The following FAM168B variants were observed in gnomAD, a reference collection of about 807,000 sequenced individuals.
FAM168B encodes the protein family with sequence similarity 168 member B, also known as myelin-associated neurite-outgrowth inhibitor.
In FAM168B, 19 loss-of-function variants were observed where a neutral mutation model predicts 21.8. That is an observed-to-expected ratio of 0.87 (90% CI 0.61 to 1.28). The LOEUF (loss-of-function observed/expected upper bound fraction) is 1.28, where lower values mean the gene tolerates loss of function less well. FAM168B is among the 50% of genes most tolerant of loss of function. The pLI is 0.00. For synonymous variants in FAM168B, 126 were observed against 104.8 expected (o/e 1.20, Z -1.24); for missense variants, 233 against 263.1 (o/e 0.89, Z 0.79).
At chr2:131,076,620 T>C (rs1417887290) in intron 2 of FAM168B, among the ~76,000 whole-genome samples, 3 of 140,200 alleles carry the variant, frequency 2.1e-5, no homozygotes, top group Non-Finnish European at 3.0e-5. Flanking sequence ...GCCACTGCAC[T>C]CCAGCCTGGG....
In FAM168B at chr2:131,051,696, C is replaced by A; in HGVS notation, c.*769G>T. The A allele has an allele frequency of 3.0e-6, 3 of 985,244 alleles. No individual in the cohort carries two copies. The highest frequency in any genetic ancestry group is 3.6e-6 in the Non-Finnish European group (3 of 829,912). The allele number at this position is 985,244 out of a possible 1,614,324, so 61.0% of individuals were successfully genotyped here. On this transcript the variant is annotated 3_prime_UTR_variant, in exon 7 of 7. Transcript: ENST00000389915. Reference sequence around the variant, plus strand: ...TAGCAGAGAAACTGCTTTGCTGACACATAAACCACCCCCCTCGCCCCAAAT... The same window carrying A: ...TAGCAGAGAAACTGCTTTGCTGACAAATAAACCACCCCCCTCGCCCCAAAT...
At chr2:131,073,156 G>C (rs1692958834) in intron 2 of FAM168B, among the ~76,000 whole-genome samples, 1 of 150,204 alleles carries the variant, frequency 6.7e-6, no homozygotes, top group Non-Finnish European at 1.5e-5. Context: ...GCAGTGGTGA[G>C]ATCTCGGCTC....
At position 131,073,098 on chromosome 2, in the gene FAM168B, CT is replaced by C. The variant is rs941301377; in HGVS notation, c.71-1161del. ...TCAGGTTTTTTCACATTCTGATGTT[CT>C]TTTTTTTTTCTAAGACAGAGTCTTG... On this transcript the variant is annotated intron_variant, in intron 2 of 6. Transcript: ENST00000389915. Among the ~76,000 whole-genome samples the C allele has an allele frequency of 5.9e-3, 891 of 149,954 alleles. 7 individuals are homozygous for C. The highest frequency in any genetic ancestry group is 0.02 in the African/African-American group (811 of 41,012).
Position 131,050,660 on chromosome 2 carries a change from A to C in FAM168B, c.*1805T>G, listed in dbSNP as rs1691607979. The C allele has an allele frequency of 1.0e-6, 1 of 984,970 alleles. No homozygotes were observed. The highest frequency in any genetic ancestry group is 6.1e-5 in the Admixed American group (1 of 16,270). The allele number at this position is 984,970 out of a possible 1,614,324, so 61.0% of individuals were successfully genotyped here. Reference sequence around the variant, plus strand: ...TCTTATAAAATAAGATGTGAAAAAGAAAATTATAAGAAGTACTTACTATAA... The same window carrying C: ...TCTTATAAAATAAGATGTGAAAAAGCAAATTATAAGAAGTACTTACTATAA... On this transcript the variant is annotated 3_prime_UTR_variant, in exon 7 of 7. Coordinates refer to ENST00000389915, the MANE Select transcript of FAM168B (RefSeq NM_001009993.4).
Position 131,048,804 on chromosome 2 carries a change from G to C in FAM168B, c.*3661C>G, listed in dbSNP as rs1446315854. 1 of 986,156 alleles carries C rather than the reference G, an allele frequency of 1.0e-6. No individual in the cohort carries two copies. Among genetic ancestry groups the C allele is most frequent in the Non-Finnish European group, 1.2e-6 (1 of 830,284 alleles). The allele number at this position is 986,156 out of a possible 1,614,324, so 61.1% of individuals were successfully genotyped here. A position where few individuals can be genotyped will look rare whatever the true frequency, so the allele number is the denominator to read the frequency against. On this transcript the variant is annotated 3_prime_UTR_variant, in exon 7 of 7. Coordinates refer to ENST00000389915, the MANE Select transcript of FAM168B (RefSeq NM_001009993.4). ...AGAGACCCTCTCAGAAAGCACCAGA[G>C]AGGAGGACCAGACGCTGCCACCCAC... is the stretch of plus-strand genomic sequence containing the variant.
chr2:131,088,915 T>G (rs899131004), intron 1 of FAM168B, among the ~76,000 whole-genome samples: 1 of 151,844 alleles, frequency 6.6e-6, no homozygotes, highest in Admixed American at 6.6e-5. Context: ...CCAGTCTAAT[T>G]TGCTGTGGAC....
At position 131,050,357 on chromosome 2, in the gene FAM168B, C is replaced by G; in HGVS notation, c.*2108G>C. ...ATTAGCACTCAATTGGGAAAAAAGA[C>G]TTCTCTGCTACTTGGTCAGCTGAAC... On this transcript the variant is annotated 3_prime_UTR_variant, in exon 7 of 7. Transcript: ENST00000389915. The G allele has an allele frequency of 1.0e-6, 1 of 985,672 alleles. No homozygotes were observed. Among genetic ancestry groups the G allele is most frequent in the Non-Finnish European group, 1.2e-6 (1 of 829,946 alleles). The allele number at this position is 985,672 out of a possible 1,614,324, so 61.1% of individuals were successfully genotyped here.
intron 1 of FAM168B, among the ~76,000 whole-genome samples, chr2:131,085,884 C>T (rs372544998): frequency 4.6e-5 from 7 of 152,314 alleles, no homozygotes; most frequent in African/African-American, 1.7e-4. Flanking sequence ...GAGTGCTGAG[C>T]ATCTGAAAAG....
intron 5 of FAM168B, among the ~76,000 whole-genome samples, chr2:131,054,315 C>T (rs1025683752): frequency 6.6e-6 from 1 of 151,854 alleles, no homozygotes; most frequent in African/African-American, 2.4e-5. Context: ...TTTCCTACAA[C>T]TGCAGAAACT....
intron 2 of FAM168B, among the ~76,000 whole-genome samples, chr2:131,074,089 G>C (rs754247135): frequency 1.3e-5 from 2 of 152,154 alleles, no homozygotes; most frequent in Non-Finnish European, 2.9e-5. Flanking sequence ...CTGGCTCACA[G>C]TACAGGAGGC....
At chr2:131,067,711 A>G (rs1168675268) in intron 3 of FAM168B, among the ~76,000 whole-genome samples, 1 of 152,050 alleles carries the variant, frequency 6.6e-6, no homozygotes, top group East Asian at 1.9e-4. Flanking sequence ...ACAAAGTGAG[A>G]TCCTATCACA....
At chr2:131,070,953 G>A (rs1268964813) in intron 3 of FAM168B, among the ~76,000 whole-genome samples, 1 of 152,192 alleles carries the variant, frequency 6.6e-6, no homozygotes, top group African/African-American at 2.4e-5. Flanking sequence ...CTAACCCGGG[G>A]AAAGAAAGCT....
At chr2:131,081,238 C>T (rs1387943294) in intron 2 of FAM168B, among the ~76,000 whole-genome samples, 2 of 152,190 alleles carry the variant, frequency 1.3e-5, no homozygotes, top group Non-Finnish European at 2.9e-5. Flanking sequence ...CTAAACTTGG[C>T]TATGTGACAT....
chr2:131,057,099 G>C (rs911678656), intron 3 of FAM168B, among the ~76,000 whole-genome samples: 4 of 152,170 alleles, frequency 2.6e-5, no homozygotes, highest in African/African-American at 9.7e-5. Context: ...AGCAGGAGGG[G>C]TGGAGCACTC....
chr2:131,076,104 C>T (rs1039098743), intron 2 of FAM168B, among the ~76,000 whole-genome samples: 3 of 152,188 alleles, frequency 2.0e-5, no homozygotes, highest in African/African-American at 7.2e-5. Context: ...GGACCCCCAA[C>T]ACTGCTTTAG....
At chr2:131,086,184 T>C (rs1693690472) in intron 1 of FAM168B, among the ~76,000 whole-genome samples, 1 of 152,200 alleles carries the variant, frequency 6.6e-6, no homozygotes, top group African/African-American at 2.4e-5. Flanking sequence ...CTGCAAATAC[T>C]TCACCTACTT....
Position 131,050,008 on chromosome 2 carries a change from G to C in FAM168B, c.*2457C>G. The stretch of plus-strand genomic sequence containing the variant: ...GTCCTAAAAATTTCAAAGTCAGAAA[G>C]ATTTCTGCACGGATGTGCAATGCAA... On this transcript the variant is annotated 3_prime_UTR_variant, in exon 7 of 7. Coordinates refer to ENST00000389915, the MANE Select transcript of FAM168B (RefSeq NM_001009993.4). The C allele has an allele frequency of 1.0e-6, 1 of 985,486 alleles. No homozygotes were observed. Among genetic ancestry groups the C allele is most frequent in the Non-Finnish European group, 1.2e-6 (1 of 829,942 alleles). The allele number at this position is 985,486 out of a possible 1,614,324, so 61.0% of individuals were successfully genotyped here.
At chr2:131,068,596 G>A (rs985827706) in intron 3 of FAM168B, among the ~76,000 whole-genome samples, 2 of 152,206 alleles carry the variant, frequency 1.3e-5, no homozygotes, top group Admixed American at 6.5e-5. Flanking sequence ...AAGGTAGGCC[G>A]TTTGGGCAGC....
At chr2:131,062,639 G>A (rs1359499107) in intron 3 of FAM168B, among the ~76,000 whole-genome samples, 1 of 152,166 alleles carries the variant, frequency 6.6e-6, no homozygotes, top group Non-Finnish European at 1.5e-5. Flanking sequence ...GTAGAGACTG[G>A]ATTCACCTAT....
Sources: allele counts gnomAD v4.1 joint callset (sites outside exome capture counted in the v4.1 genomes callset), GRCh38; gene constraint gnomAD v4.1.1; transcripts MANE v1.5; gene names NCBI Gene and HGNC (gene_info 2026-07-23, HGNC 2026-07-21).